The following SLC18A1 variants were observed in gnomAD, a reference collection of about 807,000 sequenced individuals.
The protein encoded by SLC18A1 is chromaffin granule amine transporter.
Under a neutral mutation model 53.7 loss-of-function variants are expected in SLC18A1, and 69 were observed. That is an observed-to-expected ratio of 1.28 (90% confidence interval 1.06 to 1.57). The LOEUF (loss-of-function observed/expected upper bound fraction) is 1.57, where lower values mean the gene tolerates loss of function less well. Ranked by LOEUF, SLC18A1 falls within the 40% of genes most tolerant of loss-of-function variation. The pLI, the probability that SLC18A1 is intolerant of heterozygous loss-of-function variation, is 0.00. For missense variants in SLC18A1, 932 were observed against 668.1 expected (o/e 1.40, Z -4.35); for synonymous variants, 320 against 248.1 (o/e 1.29, Z -2.72).
At position 20,145,547 on chromosome 8, in the gene SLC18A1, A is replaced by C. The variant is rs951384296; in HGVS notation, c.*216T>G. ...GGTGCATCACTCTGTCTTCCCATAA[A>C]AGATGGGCCACTGCGGCACCAAGGC... On this transcript the variant is annotated 3_prime_UTR_variant, in exon 16 of 16. Coordinates refer to ENST00000276373, the MANE Select transcript of SLC18A1 (RefSeq NM_003053.4). 2.5e-5 allele frequency: 10 copies of C among 392,684 alleles called. No individual in the cohort carries two copies. Among genetic ancestry groups the C allele is most frequent in the African/African-American group, 4.1e-5 (2 of 48,388 alleles). 24.3% of individuals were successfully genotyped at this position (392,684 alleles called of 1,614,324 possible).
chr8:20,165,683 T>G (rs930436437), intron 8 of SLC18A1, among the ~76,000 whole-genome samples: 1 of 152,158 alleles, frequency 6.6e-6, no homozygotes, highest in Non-Finnish European at 1.5e-5. Context: ...CTAAACTTGG[T>G]CGCCCCACCC....
chr8:20,148,505 C>T, intron 12 of SLC18A1: 2 of 1,284,274 alleles, frequency 1.6e-6, no homozygotes, highest in Non-Finnish European at 2.0e-6. Flanking sequence ...ATTTAGACTT[C>T]TAACTTGGTA....
intron 12 of SLC18A1, 40 bp downstream of exon 12, chr8:20,149,636 C>T: frequency 2.6e-6 from 4 of 1,529,074 alleles, no homozygotes; most frequent in East Asian, 2.3e-5. Context: ...GTCTCTCGCT[C>T]TCTCTCTCCT....
At chr8:20,151,109 T>C (rs1200282651) in intron 10 of SLC18A1, 4 of 210,590 alleles carry the variant, frequency 1.9e-5, no homozygotes, top group Non-Finnish European at 3.8e-5. Context: ...GTGGCTGGGA[T>C]TACAGATGAA....
At chr8:20,153,743 A>G (rs778843431) in intron 10 of SLC18A1, among the ~76,000 whole-genome samples, 20 of 152,158 alleles carry the variant, frequency 1.3e-4, no homozygotes, top group Non-Finnish European at 2.6e-4. Flanking sequence ...TGGTGATCCC[A>G]GTTTGGTCCA....
Position 20,150,910 on chromosome 8 carries a change from G to A in SLC18A1, c.1016-166C>T, listed in dbSNP as rs1177833423. 5 of 631,380 alleles carry A rather than the reference G, an allele frequency of 7.9e-6. No individual in the cohort carries two copies. The African/African-American group carries it at 9.1e-5, about 11-fold the overall frequency. 39.1% of individuals were successfully genotyped at this position (631,380 alleles called of 1,614,324 possible). ...TGCAAACCCACAGTAGTTGCCATAG[G>A]ACCCCCACACCTCTCCTTTCTTCAG... On this transcript the variant is annotated intron_variant, in intron 10 of 15. Transcript: ENST00000276373.
chr8:20,157,282 C>A (rs191021641), intron 10 of SLC18A1, among the ~76,000 whole-genome samples: 19 of 152,262 alleles, frequency 1.2e-4, no homozygotes, highest in African/African-American at 4.1e-4. Context: ...CAGACACTAA[C>A]CCCAAATGAA....
chr8:20,147,554 G>A, intron 14 of SLC18A1, 49 bp downstream of exon 14: 1 of 1,608,160 alleles, frequency 6.2e-7, no homozygotes, highest in South Asian at 1.1e-5. Flanking sequence ...ACTTCCAGCT[G>A]GTAAAGAGTA....
intron 14 of SLC18A1, 52 bp downstream of exon 14, chr8:20,147,551 G>T (rs759841103): frequency 2.1e-5 from 33 of 1,607,360 alleles, no homozygotes; most frequent in African/African-American, 5.3e-5. Context: ...TGCACTTCCA[G>T]CTGGTAAAGA....
chr8:20,159,834 C>G (rs925158538), intron 10 of SLC18A1, among the ~76,000 whole-genome samples: 1 of 152,068 alleles, frequency 6.6e-6, no homozygotes, highest in African/African-American at 2.4e-5. Flanking sequence ...ATCATCATAA[C>G]TCGTGAGTGG....
At chr8:20,181,111 G>A (rs184231838) in intron 1 of SLC18A1, 24 bp from the exon 2 acceptor site, 1 of 814,702 alleles carries the variant, frequency 1.2e-6, no homozygotes, top group African/African-American at 1.7e-5. Context: ...AAGTGCAAAG[G>A]GTTGCAAGTA....
chr8:20,165,169 C>G, intron 8 of SLC18A1, 62 bp from the exon 9 acceptor site: 1 of 1,430,214 alleles, frequency 7.0e-7, no homozygotes. Flanking sequence ...CCTATTTTCA[C>G]AGAATCTGAG....
Position 20,179,423 on chromosome 8 carries a change from G to A in SLC18A1, c.186C>T (p.His62=), listed in dbSNP as rs766600226. 1.9e-6 allele frequency: 3 copies of A among 1,614,076 alleles called. No individual in the cohort carries two copies. The highest frequency in any genetic ancestry group is 2.5e-6 in the Non-Finnish European group (3 of 1,180,050). The part of the protein sequence containing the change: ...MEFKEVNSSL[H]LGHAGSSPHA... Reference sequence around the variant, plus strand: ...GTGGGGAACTTCCGGCATGGCCGAGGTGCAGAGAAGAGTTGACTTCTTTGA... The same window carrying A: ...GTGGGGAACTTCCGGCATGGCCGAGATGCAGAGAAGAGTTGACTTCTTTGA... The change falls in exon 3 of 16, where the codon CAC becomes CAT. Residue 62 remains histidine (H), a synonymous_variant. Coordinates refer to ENST00000276373, the MANE Select transcript of SLC18A1 (RefSeq NM_003053.4).
In SLC18A1 at chr8:20,158,717, G is replaced by T. The variant is rs181696703; in HGVS notation, c.1015+6152C>A. On this transcript the variant is annotated intron_variant, in intron 10 of 15. Coordinates refer to ENST00000276373, the MANE Select transcript of SLC18A1 (RefSeq NM_003053.4). Reference sequence around the variant, plus strand: ...AGTGGAGGTTAGTGCAAGATCTCAGGATTATCAGTGAGGCTATTGTCCCTC... The same window carrying T: ...AGTGGAGGTTAGTGCAAGATCTCAGTATTATCAGTGAGGCTATTGTCCCTC... Among the ~76,000 whole-genome samples, 334 of 152,220 alleles carry T rather than the reference G, an allele frequency of 2.2e-3. 2 individuals carry two copies. The highest frequency in any genetic ancestry group is 7.1e-3 in the African/African-American group (296 of 41,522).
chr8:20,180,510 C>T (rs763676661), intron 2 of SLC18A1, among the ~76,000 whole-genome samples: 15 of 152,092 alleles, frequency 9.9e-5, no homozygotes, highest in Non-Finnish European at 7.4e-5. Flanking sequence ...CTCGCTGCCT[C>T]AGAGGCACTT....
chr8:20,147,392 C>G lies in SLC18A1; in HGVS notation c.1331-1G>C. On this transcript the variant is annotated splice_acceptor_variant, in intron 14 of 15. Transcript: ENST00000276373. LOFTEE classifies it high-confidence loss of function. ...ACAATGGCACCACCGGTGGATGGAC[C>G]TGGGAGGGATACATCAAAGTCATAA... 1 of 1,605,496 alleles carries G rather than the reference C, an allele frequency of 6.2e-7. No individual in the cohort carries two copies. The highest frequency in any genetic ancestry group is 2.2e-5 in the East Asian group (1 of 44,850).
At chr8:20,147,053 G>C (rs1183991072) in intron 15 of SLC18A1, among the ~76,000 whole-genome samples, 1 of 152,088 alleles carries the variant, frequency 6.6e-6, no homozygotes, top group Non-Finnish European at 1.5e-5. Context: ...CCCAGAAAGA[G>C]GGAAGTGGTT....
chr8:20,148,863 G>A (rs1049960883), intron 12 of SLC18A1, among the ~76,000 whole-genome samples: 1 of 152,136 alleles, frequency 6.6e-6, no homozygotes, highest in Non-Finnish European at 1.5e-5. Flanking sequence ...CTCACCATGT[G>A]CCAGACACTG....
At chr8:20,147,182 C>A (rs745741851) in intron 15 of SLC18A1, 76 bp downstream of exon 15, 12 of 1,493,868 alleles carry the variant, frequency 8.0e-6, no homozygotes, top group Non-Finnish European at 1.1e-5. Flanking sequence ...AATAACAGCC[C>A]AGGATGAAAG....
Sources: allele counts gnomAD v4.1 joint callset (sites outside exome capture counted in the v4.1 genomes callset), GRCh38; gene constraint gnomAD v4.1.1; transcripts MANE v1.5; gene names NCBI Gene and HGNC (gene_info 2026-07-23, HGNC 2026-07-21).